The following AP3B2 variants were observed in gnomAD, a reference collection of about 807,000 sequenced individuals.
AP3B2 encodes AP-3 complex subunit beta-2.
In AP3B2, 50 loss-of-function variants were observed where a neutral mutation model predicts 126.9. The ratio of observed to expected loss-of-function variants is 0.39; its 90% confidence interval spans 0.31 to 0.50. The LOEUF (loss-of-function observed/expected upper bound fraction) is 0.50, where lower values mean the gene tolerates loss of function less well. AP3B2 is among the 20% of genes least tolerant of loss of function. The pLI is 0.79. For missense variants in AP3B2, 1,177 were observed against 1,426.4 expected, an observed-to-expected ratio of 0.83 and a Z score of 2.82; for synonymous variants, 541 against 565.0, an observed-to-expected ratio of 0.96 and a Z score of 0.60.
chr15:82,693,752 G>C (rs1477806773), intron 1 of AP3B2, among the ~76,000 whole-genome samples: 1 of 152,106 alleles, frequency 6.6e-6, no homozygotes, highest in Non-Finnish European at 1.5e-5. Flanking sequence ...CCAGGCTGGA[G>C]TGCAATGGTG....
chr15:82,678,040 C>T (rs2048273428), intron 11 of AP3B2, 65 bp downstream of exon 11: 4 of 1,562,730 alleles, frequency 2.6e-6, no homozygotes, highest in Non-Finnish European at 2.6e-6. Flanking sequence ...GAGGTTTACC[C>T]ACCAGGGCAC....
Position 82,681,269 on chromosome 15 carries a change from C to A in AP3B2, c.522-91G>T. 1.3e-6 allele frequency: 2 copies of A among 1,524,578 alleles called. No homozygotes were observed. Among genetic ancestry groups the A allele is most frequent in the African/African-American group, 1.4e-5 (1 of 72,958 alleles). 94.4% of individuals were successfully genotyped at this position (1,524,578 alleles called of 1,614,324 possible). Reference sequence around the variant, plus strand: ...GCCATGCTCACCTCCTGCACCCCAGCCTTATTGTTCTCCTCCATCTCTGTC... The same window carrying A: ...GCCATGCTCACCTCCTGCACCCCAGACTTATTGTTCTCCTCCATCTCTGTC... On this transcript the variant is annotated intron_variant, in intron 5 of 26. Coordinates refer to ENST00000535359, the MANE Select transcript of AP3B2 (RefSeq NM_001278512.2). This position sits in a 1 kb window ranked among gnomAD's most constrained non-coding sequence, Gnocchi z 4.0.
rs776246782 is a variant in AP3B2, at chr15:82,663,115, C to T, written c.2604+12G>A. ...CCTGCCCCAGCCCGGTCCCCTCCTC[C>T]ATCCCACTCACCGACGGTACCAGGG... is the stretch of plus-strand genomic sequence containing the variant. On this transcript the variant is annotated intron_variant, in intron 22 of 26. Coordinates refer to ENST00000535359, the MANE Select transcript of AP3B2 (RefSeq NM_001278512.2). The T allele has an allele frequency of 1.4e-5, 22 of 1,601,274 alleles. No homozygotes were observed. In the South Asian group the frequency reaches 2.5e-4, roughly 18 times the overall value.
At chr15:82,666,289 C>T (rs899717078) in intron 15 of AP3B2, among the ~76,000 whole-genome samples, 1 of 152,216 alleles carries the variant, frequency 6.6e-6, no homozygotes, top group Non-Finnish European at 1.5e-5. Flanking sequence ...AAGGCTGAAG[C>T]CCTGGGGCCT....
rs149925264 is a variant in AP3B2, at chr15:82,681,820, T to G, written c.361-240A>C. On this transcript the variant is annotated intron_variant, in intron 4 of 26. Transcript: ENST00000535359. The surrounding 1 kb of genome is among the most constrained non-coding windows in gnomAD (Gnocchi z 4.0). ...TGGGTAGCTTCACTTCCAGAAACAC[T>G]GAAAAACTTTCAGAACACCTAAAAT... 1.3e-5 allele frequency among the ~76,000 whole-genome samples: 2 copies of G among 152,264 alleles called. No individual in the cohort carries two copies. The highest frequency in any genetic ancestry group is 4.8e-5 in the African/African-American group (2 of 41,538).
At chr15:82,688,618 G>A in intron 4 of AP3B2, 118 bp downstream of exon 4, 1 of 933,480 alleles carries the variant, frequency 1.1e-6, no homozygotes, top group Non-Finnish European at 1.7e-6. Context: ...CCAATTTTAG[G>A]CAGGTAGGAA....
rs548479362 is a variant in AP3B2 at position 82,678,089 on chromosome 15, G to A, written c.1245+16C>T. ...GCCCCTCTCCCAGGCCCTTCTGGCTGGGAGCTGGCCTGTACCTGGAATTCC... is the reference window on the plus strand; with the variant it reads ...GCCCCTCTCCCAGGCCCTTCTGGCTAGGAGCTGGCCTGTACCTGGAATTCC... On this transcript the variant is annotated intron_variant, in intron 11 of 26. Transcript: ENST00000535359. The A allele has an allele frequency of 6.2e-7, 1 of 1,613,288 alleles. No individual in the cohort carries two copies.
chr15:82,696,996 C>A (rs1346580008), intron 1 of AP3B2, among the ~76,000 whole-genome samples: 2 of 152,052 alleles, frequency 1.3e-5, no homozygotes, highest in African/African-American at 4.8e-5. Context: ...CAGCTTTGAC[C>A]CAGGCACAAG....
At chr15:82,702,750 G>A (rs916921768) in intron 1 of AP3B2, among the ~76,000 whole-genome samples, 4 of 152,260 alleles carry the variant, frequency 2.6e-5, no homozygotes, top group African/African-American at 7.2e-5. Flanking sequence ...CCTGTTGGGT[G>A]GTCTCTTCAC....
Position 82,664,082 on chromosome 15 carries a change from C to A in AP3B2, c.2262-107G>T. ...GCTGGAGTGGTGTGGGGAGCCTGAG[C>A]CAGGAGGGTTCACACCTGAGGTCCT... On this transcript the variant is annotated intron_variant, in intron 19 of 26. Coordinates refer to ENST00000535359, the MANE Select transcript of AP3B2 (RefSeq NM_001278512.2). This position sits in a 1 kb window ranked among gnomAD's most constrained non-coding sequence, Gnocchi z 4.5. The A allele has an allele frequency of 6.8e-7, 1 of 1,464,722 alleles. No individual in the cohort carries two copies. The highest frequency in any genetic ancestry group is 1.4e-5 in the South Asian group (1 of 71,478). 90.7% of individuals were successfully genotyped at this position (1,464,722 alleles called of 1,614,324 possible).
chr15:82,665,174 G>A lies in AP3B2; in HGVS notation c.2028+73C>T, dbSNP rs2048029412. 4 of 1,475,602 alleles carry A rather than the reference G, an allele frequency of 2.7e-6. No homozygotes were observed. The highest frequency in any genetic ancestry group is 3.7e-6 in the Non-Finnish European group (4 of 1,093,000). The allele number at this position is 1,475,602 out of a possible 1,614,324, so 91.4% of individuals were successfully genotyped here. On this transcript the variant is annotated intron_variant, in intron 17 of 26. Coordinates refer to ENST00000535359, the MANE Select transcript of AP3B2 (RefSeq NM_001278512.2). The surrounding 1 kb of genome is among the most constrained non-coding windows in gnomAD (Gnocchi z 4.4). ...AAACAGAGTATGGGAAGGCCCAGGAGCACAACACACAGGGGAAGAAGAGGG... is the reference window on the plus strand; with the variant it reads ...AAACAGAGTATGGGAAGGCCCAGGAACACAACACACAGGGGAAGAAGAGGG...
chr15:82,709,483 C>G (rs1379950066), intron 1 of AP3B2, 111 bp downstream of exon 1: 1 of 688,314 alleles, frequency 1.5e-6, no homozygotes. Context: ...TTCCGGTCGG[C>G]GCGGCCGGGG....
chr15:82,666,652 T>A (rs2048064308), intron 15 of AP3B2, 95 bp downstream of exon 15: 1 of 1,374,830 alleles, frequency 7.3e-7, no homozygotes, highest in African/African-American at 1.5e-5. Context: ...AGAAGCCTGG[T>A]GCCTGGCTAG....
chr15:82,664,390 C>T lies in AP3B2; in HGVS notation c.2238G>A (p.Glu746=). The part of the protein sequence containing the change: ...ESDNEDQDED[E]EKGRGSESEQ... ...ACCTCTCACTGCCTCTCCCTTTCTC[C>T]TCATCCTCATCCTGGTCTTCATTGT... Residue 746 remains glutamate, a synonymous_variant, in exon 19 of 27, where the codon GAG becomes GAA. Transcript: ENST00000535359. The surrounding 1 kb of genome is among the most constrained non-coding windows in gnomAD (Gnocchi z 4.5). 2 of 1,611,928 alleles carry T rather than the reference C, an allele frequency of 1.2e-6. No homozygotes were observed. The highest frequency in any genetic ancestry group is 1.3e-5 in the African/African-American group (1 of 75,046).
In AP3B2 at chr15:82,689,079, C is replaced by A. The variant is rs1596189432; in HGVS notation, c.264+79G>T. On this transcript the variant is annotated intron_variant, in intron 3 of 26. Coordinates refer to ENST00000535359, the MANE Select transcript of AP3B2 (RefSeq NM_001278512.2). ...CAGGTCGGGCCCCCAGGGGCTAAAT[C>A]ATTTCCTTCCTCACCCCAAGCTTGA... 4 of 1,535,740 alleles carry A rather than the reference C, an allele frequency of 2.6e-6. No individual in the cohort carries two copies. In the East Asian group the frequency reaches 6.8e-5, roughly 26 times the overall value.
At position 82,687,354 on chromosome 15, in the gene AP3B2, T is replaced by C. The variant is rs1450887940; in HGVS notation, c.360+1382A>G. On this transcript the variant is annotated intron_variant, in intron 4 of 26. Coordinates refer to ENST00000535359, the MANE Select transcript of AP3B2 (RefSeq NM_001278512.2). Reference sequence around the variant, plus strand: ...AAGGCCTACAAAACCTAAAATACTATTTGGCACTTTGCAGAAAGAAATTAT... The same window carrying C: ...AAGGCCTACAAAACCTAAAATACTACTTGGCACTTTGCAGAAAGAAATTAT... 3 of 152,340 alleles carry C rather than the reference T, an allele frequency of 2.0e-5. No individual in the cohort carries two copies. The South Asian group carries it at 6.2e-4, about 32-fold the overall frequency. The allele number at this position is 152,340 out of a possible 1,614,324, so 9.4% of individuals were successfully genotyped here.
At chr15:82,669,509 T>C (rs778368283) in intron 14 of AP3B2, among the ~76,000 whole-genome samples, 2 of 149,502 alleles carry the variant, frequency 1.3e-5, no homozygotes, top group Non-Finnish European at 3.0e-5. Flanking sequence ...GTGGCCAACA[T>C]GATGAAATCC....
intron 15 of AP3B2, among the ~76,000 whole-genome samples, chr15:82,666,378 C>T (rs970978120): frequency 6.6e-6 from 1 of 152,236 alleles, no homozygotes; most frequent in African/African-American, 2.4e-5. Context: ...AAAATATACA[C>T]CTCTCCTTTG....
intron 14 of AP3B2, among the ~76,000 whole-genome samples, chr15:82,674,224 G>C (rs1329163863): frequency 6.6e-6 from 1 of 152,178 alleles, no homozygotes; most frequent in Non-Finnish European, 1.5e-5. Context: ...ATGGTCCCAG[G>C]ATGGGAAGCA....
Sources: gnomAD v4.1 joint callset for allele counts (sites outside exome capture counted in the v4.1 genomes callset) on GRCh38, gnomAD v4.1.1 for gene constraint, Gnocchi (gnomAD v3.1) non-coding constraint, MANE v1.5 for transcripts, NCBI Gene and HGNC (gene_info 2026-07-23, HGNC 2026-07-21) for gene names.